The following LAMA2 variants were observed in gnomAD, a reference collection of about 807,000 sequenced individuals.
The protein encoded by LAMA2 is laminin subunit alpha 2.
Under a neutral mutation model 364.8 loss-of-function variants are expected in LAMA2, and 269 were observed. The observed-to-expected ratio is 0.74, with a 90% CI of 0.67 to 0.82. The LOEUF (loss-of-function observed/expected upper bound fraction) is 0.82, where lower values mean the gene tolerates loss of function less well. Ranked by LOEUF, LAMA2 falls within the 40% of genes least tolerant of loss-of-function variation. LAMA2 has a pLI of 0.00. For missense variants in LAMA2, 3,807 were observed against 3,873.2 expected, an observed-to-expected ratio of 0.98 and a Z score of 0.45; for synonymous variants, 1,379 against 1,370.6, an observed-to-expected ratio of 1.01 and a Z score of -0.14.
At chr6:129,110,536 C>T (rs1340094607) in intron 4 of LAMA2, among the ~76,000 whole-genome samples, 1 of 152,092 alleles carries the variant, frequency 6.6e-6, no homozygotes, top group African/African-American at 2.4e-5. Context: ...ATAATATTGG[C>T]AATAACTATT....
rs62420985 is a variant in LAMA2, at chr6:129,233,672, T to G, written c.1783-16440T>G. Among the ~76,000 whole-genome samples, 1,078 of 152,060 alleles carry G rather than the reference T, an allele frequency of 7.1e-3. 8 individuals carry two copies. The highest frequency in any genetic ancestry group is 0.02 in the Middle Eastern group (6 of 294). On this transcript the variant is annotated intron_variant, in intron 12 of 64. Coordinates refer to ENST00000421865, the MANE Select transcript of LAMA2 (RefSeq NM_000426.4). ...CAGGGGAGGCAGAGACAGAAGAAAA[T>G]CCGCGTATAAATGGACCGGACTTGC...
In LAMA2 at chr6:128,884,351, A is replaced by G. The variant is rs77924718; in HGVS notation, c.112+994A>G. Among the ~76,000 whole-genome samples, 96 of 152,338 alleles carry G rather than the reference A, an allele frequency of 6.3e-4. 2 individuals are homozygous for G. In the East Asian group the frequency reaches 0.017, roughly 27 times the overall value. On this transcript the variant is annotated intron_variant, in intron 1 of 64. Transcript: ENST00000421865. ...AGAAATATTTATTATTCGGTTTTAA[A>G]TATGAAAATGTTTAACCTAAGAGTA...
Position 129,260,721 on chromosome 6 carries a change from G to C in LAMA2, c.2107G>C (p.Val703Leu). The change falls in exon 15 of 65, where the codon GTT becomes CTT. Residue 703 changes from valine to leucine, a missense_variant. Coordinates refer to ENST00000421865, the MANE Select transcript of LAMA2 (RefSeq NM_000426.4). ...GMDAIFRLSS[V>L]NLESAVSYPT... is the part of the protein sequence containing the mutation. ...TTTCCTCTGCCATAGGTTGAGCTCT[G>C]TTAACCTTGAATCCGCTGTCTCCTA... The C allele has an allele frequency of 6.2e-7, 1 of 1,609,008 alleles. No homozygotes were observed. The highest frequency in any genetic ancestry group is 8.5e-7 in the Non-Finnish European group (1 of 1,175,590).
chr6:129,297,523 G>T (rs1773262423), intron 20 of LAMA2, among the ~76,000 whole-genome samples, 162 bp from the exon 21 acceptor site: 1 of 152,084 alleles, frequency 6.6e-6, no homozygotes, highest in African/African-American at 2.4e-5. Context: ...TCATAGAAAA[G>T]GTCCATTTGA....
chr6:129,312,879 G>C lies in LAMA2; in HGVS notation c.3193G>C (p.Val1065Leu). 4 of 1,613,936 alleles carry C rather than the reference G, an allele frequency of 2.5e-6. No individual in the cohort carries two copies. The highest frequency in any genetic ancestry group is 3.4e-6 in the Non-Finnish European group (4 of 1,179,814). Residue 1065 changes from valine (V) to leucine (L), a missense_variant, in exon 23 of 65, where the codon GTG becomes CTG. Coordinates refer to ENST00000421865, the MANE Select transcript of LAMA2 (RefSeq NM_000426.4). ...TGCKACNCSTVGSLDFQCNVN... is the reference protein window; with the variant it reads ...TGCKACNCSTLGSLDFQCNVN... ...TCTATAGGCTTGTAACTGCAGCACA[G>C]TGGGATCCTTGGATTTCCAATGCAA...
At chr6:129,440,693 C>T in intron 42 of LAMA2, 123 bp from the exon 43 acceptor site, 1 of 867,442 alleles carries the variant, frequency 1.2e-6, no homozygotes, top group African/African-American at 1.6e-5. Context: ...AGACAAAGTT[C>T]AGCCTTTTCC....
At chr6:129,298,182 G>A (rs1399477548) in intron 21 of LAMA2, among the ~76,000 whole-genome samples, 1 of 34,018 alleles carries the variant, frequency 2.9e-5, no homozygotes, top group Non-Finnish European at 5.0e-5. Context: ...GATTTTTCTG[G>A]TACCAGTCTT....
chr6:129,006,514 C>T (rs973680201), intron 1 of LAMA2, among the ~76,000 whole-genome samples: 1 of 152,168 alleles, frequency 6.6e-6, no homozygotes, highest in Non-Finnish European at 1.5e-5. Context: ...CATTTATCCA[C>T]ACCATGAGCC....
chr6:129,468,984 C>G (rs540305570), intron 51 of LAMA2, among the ~76,000 whole-genome samples: 84 of 151,768 alleles, frequency 5.5e-4, no homozygotes, highest in Middle Eastern at 3.4e-3. Flanking sequence ...CAGTTGCAGG[C>G]GATCCAGGCC....
At chr6:128,911,882 T>C (rs1777990921) in intron 1 of LAMA2, among the ~76,000 whole-genome samples, 1 of 152,206 alleles carries the variant, frequency 6.6e-6, no homozygotes, top group South Asian at 2.1e-4. Context: ...ATTTCCTTTA[T>C]ATGAAACACC....
intron 4 of LAMA2, among the ~76,000 whole-genome samples, chr6:129,106,509 A>T (rs529913234): frequency 6.6e-6 from 1 of 152,246 alleles, no homozygotes; most frequent in African/African-American, 2.4e-5. Flanking sequence ...TTGGTTTTCA[A>T]TAGAAATTTA....
intron 28 of LAMA2, among the ~76,000 whole-genome samples, chr6:129,325,675 C>A (rs1775235296): frequency 6.6e-6 from 1 of 151,916 alleles, no homozygotes; most frequent in Non-Finnish European, 1.5e-5. Context: ...AATGTTAAAA[C>A]TGAAAGACAC....
rs967828038 is a variant in LAMA2 at position 128,929,668 on chromosome 6, A to G, written c.112+46311A>G. On this transcript the variant is annotated intron_variant, in intron 1 of 64. Coordinates refer to ENST00000421865, the MANE Select transcript of LAMA2 (RefSeq NM_000426.4). ...GTGATGCGGTCTCGGTTTGTCACTGAAGCCAACGCCAAGAAATCAAGGGCA... is the reference window on the plus strand; with the variant it reads ...GTGATGCGGTCTCGGTTTGTCACTGGAGCCAACGCCAAGAAATCAAGGGCA... 19 of 1,424,260 alleles carry G rather than the reference A, an allele frequency of 1.3e-5. No individual in the cohort carries two copies. In the African/African-American group the frequency reaches 1.9e-4, roughly 14 times the overall value. 88.2% of individuals were successfully genotyped at this position (1,424,260 alleles called of 1,614,324 possible).
At chr6:128,972,552 T>A (rs1267311746) in intron 1 of LAMA2, among the ~76,000 whole-genome samples, 1 of 152,184 alleles carries the variant, frequency 6.6e-6, no homozygotes, top group Non-Finnish European at 1.5e-5. Flanking sequence ...ATGCTTTCAG[T>A]AGAAGGTATT....
rs138696709 is a variant in LAMA2 at position 129,073,730 on chromosome 6, T to A, written c.396+13834T>A. Among the ~76,000 whole-genome samples, 1,089 of 152,244 alleles carry A rather than the reference T, an allele frequency of 7.2e-3. 15 individuals are homozygous for A. Among genetic ancestry groups the A allele is most frequent in the African/African-American group, 0.025 (1,032 of 41,540 alleles). ...GTTTTAGAATATCCATTTGATACTTTAAAAAAATTAGACTCCAAATATCTC... is the reference window on the plus strand; with the variant it reads ...GTTTTAGAATATCCATTTGATACTTAAAAAAAATTAGACTCCAAATATCTC... On this transcript the variant is annotated intron_variant, in intron 3 of 64. Transcript: ENST00000421865.
At chr6:129,076,484 T>TTA (rs77559270) in intron 3 of LAMA2, among the ~76,000 whole-genome samples, 131,368 of 139,136 alleles carry the variant, frequency 0.94, 62,145 homozygotes, top group East Asian at 0.97. Flanking sequence ...ATAATATATC[T>TTA]TATATATTAT....
intron 29 of LAMA2, among the ~76,000 whole-genome samples, chr6:129,339,999 CAAA>C (rs150497724): frequency 1.8e-5 from 2 of 113,554 alleles, no homozygotes; most frequent in Admixed American, 9.4e-5. Context: ...GAGACTGTCT[CAAA>C]AAAAAAAAAA....
intron 42 of LAMA2, 111 bp downstream of exon 42, chr6:129,438,873 T>G: frequency 1.4e-6 from 1 of 728,286 alleles, no homozygotes; most frequent in South Asian, 1.5e-5. Flanking sequence ...ATCTGGAAAT[T>G]AGATACTGTT....
chr6:129,442,161 G>A, intron 43 of LAMA2: 2 of 1,268,434 alleles, frequency 1.6e-6, no homozygotes, highest in Admixed American at 2.3e-5. Context: ...GGTATTATAT[G>A]CCATAAAATT....
Sources: gnomAD v4.1 joint callset for allele counts (sites outside exome capture counted in the v4.1 genomes callset) on GRCh38, gnomAD v4.1.1 for gene constraint, MANE v1.5 for transcripts, NCBI Gene and HGNC (gene_info 2026-07-23, HGNC 2026-07-21) for gene names.